The following ABCD4 variants were observed in gnomAD, a reference collection of about 807,000 sequenced individuals.
ABCD4 encodes lysosomal cobalamin transporter ABCD4.
In ABCD4, 53 loss-of-function variants were observed where a neutral mutation model predicts 86.3. That is an observed-to-expected ratio of 0.61 (90% CI 0.49 to 0.77). ABCD4 has a LOEUF of 0.77. Ranked by LOEUF, ABCD4 falls within the 30% of genes least tolerant of loss-of-function variation. ABCD4 has a pLI of 0.00. For missense variants in ABCD4, 757 were observed against 764.5 expected (o/e 0.99, Z 0.12); for synonymous variants, 328 against 313.6 (o/e 1.05, Z -0.49).
intron 7 of ABCD4, chr14:74,294,938 A>G (rs2082462548): frequency 3.3e-6 from 2 of 598,036 alleles, no homozygotes; most frequent in South Asian, 2.1e-5. Context: ...AAAGCTGGCC[A>G]CAGTAAGGAA....
chr14:74,289,778 A>G (rs866438516), intron 13 of ABCD4: 12 of 1,435,884 alleles, frequency 8.4e-6, no homozygotes, highest in African/African-American at 4.3e-5. Flanking sequence ...GGTGTTTGAC[A>G]TACGCGTGTG....
chr14:74,293,015 A>G (rs987293421), intron 8 of ABCD4, 139 bp downstream of exon 8: 2 of 1,462,220 alleles, frequency 1.4e-6, no homozygotes, highest in Non-Finnish European at 1.9e-6. Context: ...CAGAAAGGCA[A>G]CAGCCCCCCC....
rs1489441496 is a variant in ABCD4 at position 74,299,589 on chromosome 14, G to C, written c.244C>G (p.Leu82Val). The change falls in exon 3 of 19, where the codon CTG becomes GTG. Residue 82 changes from leucine (L) to valine (V), a missense_variant. Physicochemically the swap from Leu to Val is conservative, Grantham distance 32. Transcript: ENST00000356924. ...GNKDLEGFKT[L>V]TFLAVMLIVL... ...ATGAGCATGACAGCCAGGAATGTCA[G>C]AGTCTTAAACCCTTCCAAGTCTTTG... 1.9e-6 allele frequency: 3 copies of C among 1,613,960 alleles called. No homozygotes were observed. Among genetic ancestry groups the C allele is most frequent in the South Asian group, 1.1e-5 (1 of 91,076 alleles).
Position 74,296,421 on chromosome 14 carries a change from G to A in ABCD4, c.454C>T (p.Arg152Ter), listed in dbSNP as rs1282760239. ...PDQRISQDVE[R>*]FCRQLSSMAS... The stretch of plus-strand genomic sequence containing the variant: ...ATGCTGCTGAGCTGCCGGCAGAATC[G>A]CTCCACGTCCTGGCTGATGCGCTGG... The change falls in exon 5 of 19, where the codon CGA (arginine) becomes TGA (stop). Residue 152 changes from arginine to a stop codon, truncating the protein, a stop_gained. Coordinates refer to ENST00000356924, the MANE Select transcript of ABCD4 (RefSeq NM_005050.4). LOFTEE classifies it high-confidence loss of function. The A allele has an allele frequency of 4.3e-6, 7 of 1,614,076 alleles. No homozygotes were observed. Among genetic ancestry groups the A allele is most frequent in the Non-Finnish European group, 5.9e-6 (7 of 1,180,024 alleles).
At position 74,302,928 on chromosome 14, in the gene ABCD4, G is replaced by A. The variant is rs773296231; in HGVS notation, c.-16C>T. The A allele has an allele frequency of 8.7e-6, 14 of 1,606,644 alleles. No homozygotes were observed. The highest frequency in any genetic ancestry group is 3.4e-5 in the Admixed American group (2 of 59,070). The stretch of plus-strand genomic sequence containing the variant: ...CGACCGCCATGACCTGAGACCCGAG[G>A]GACTCTGGAGCCCAGCTGCCCCTAG... On this transcript the variant is annotated 5_prime_UTR_variant, in exon 1 of 19. Coordinates refer to ENST00000356924, the MANE Select transcript of ABCD4 (RefSeq NM_005050.4).
intron 5 of ABCD4, 94 bp from the exon 6 acceptor site, chr14:74,296,073 C>G (rs2082771524): frequency 6.7e-7 from 1 of 1,491,988 alleles, no homozygotes; most frequent in Non-Finnish European, 9.0e-7. Flanking sequence ...TCTCAGGTAG[C>G]CCCTGTCCAA....
At chr14:74,291,175 G>A (rs893991613) in intron 11 of ABCD4, among the ~76,000 whole-genome samples, 1 of 152,200 alleles carries the variant, frequency 6.6e-6, no homozygotes, top group African/African-American at 2.4e-5. Flanking sequence ...CAACTTGATC[G>A]TGGACCATAA....
intron 17 of ABCD4, among the ~76,000 whole-genome samples, chr14:74,287,225 G>A (rs1467785245): frequency 6.6e-6 from 1 of 152,134 alleles, no homozygotes; most frequent in Non-Finnish European, 1.5e-5. Flanking sequence ...ACCCTTCAAT[G>A]TTGGCTCCTG....
At chr14:74,300,554 TGCAACAAGAGCCTGG>T (rs1358297162) in intron 1 of ABCD4, among the ~76,000 whole-genome samples, 1 of 139,722 alleles carries the variant, frequency 7.2e-6, no homozygotes, top group Non-Finnish European at 1.5e-5. Context: ...ATTGCGCCAT[TGCAACAAGAGCCTGG>T]GCAACAAGAG....
chr14:74,294,031 C>T (rs74063823), intron 7 of ABCD4: 9,835 of 151,960 alleles, frequency 0.065, 1,078 homozygotes, highest in African/African-American at 0.23. Context: ...TGAGCAGAGG[C>T]TGCAGAATCC....
intron 11 of ABCD4, among the ~76,000 whole-genome samples, chr14:74,291,295 A>G (rs929190427): frequency 4.6e-5 from 7 of 152,006 alleles, no homozygotes; most frequent in Admixed American, 4.6e-4. Context: ...TGGAACTTCT[A>G]CTCTCTGCCT....
chr14:74,299,331 G>C (rs2083692570), intron 3 of ABCD4: 1 of 517,674 alleles, frequency 1.9e-6, no homozygotes, highest in Admixed American at 3.3e-5. Flanking sequence ...CTGTGGCCTG[G>C]GCCCAGGAGT....
chr14:74,298,060 A>G lies in ABCD4; in HGVS notation c.295T>C (p.Phe99Leu), dbSNP rs781196316. The stretch of plus-strand genomic sequence containing the variant: ...AGCAGGTTGCAGGTGAACTGATCAA[A>G]GCTCTTCAGCTGTGCAGTGGGGGAA... ...LIVLNSTLKS[F>L]DQFTCNLLYV... is the part of the protein sequence containing the mutation. The change falls in exon 4 of 19, where the codon TTT (phenylalanine) becomes CTT (leucine). Residue 99 changes from phenylalanine to leucine, a missense_variant. Coordinates refer to ENST00000356924, the MANE Select transcript of ABCD4 (RefSeq NM_005050.4). 6.2e-7 allele frequency: 1 copy of G among 1,613,562 alleles called. No individual in the cohort carries two copies. The highest frequency in any genetic ancestry group is 8.5e-7 in the Non-Finnish European group (1 of 1,179,890).
chr14:74,287,232 C>T (rs991155823), intron 17 of ABCD4, among the ~76,000 whole-genome samples: 2 of 152,096 alleles, frequency 1.3e-5, no homozygotes, highest in Non-Finnish European at 2.9e-5. Context: ...AATGTTGGCT[C>T]CTGGCTCCAG....
At position 74,287,839 on chromosome 14, in the gene ABCD4, C is replaced by T. The variant is rs745326222; in HGVS notation, c.1607G>A (p.Arg536Gln). ...GTACTTCGGCTGCAGGTAGAAGAGT[C>T]GGGCAAAGGAGAGCCGTTGCATCTC... is the stretch of plus-strand genomic sequence containing the variant. ...PGEMQRLSFARLFYLQPKYAV... is the reference protein window; with the variant it reads ...PGEMQRLSFAQLFYLQPKYAV... Residue 536 changes from arginine to glutamine, a missense_variant, in exon 17 of 19, where the codon CGA becomes CAA. By Grantham distance (43) the Arg-to-Gln change is conservative (BLOSUM62 1). Transcript: ENST00000356924. 6 of 1,612,886 alleles carry T rather than the reference C, an allele frequency of 3.7e-6. No individual in the cohort carries two copies. The highest frequency in any genetic ancestry group is 1.6e-4 in the Middle Eastern group (1 of 6,084).
intron 7 of ABCD4, 37 bp downstream of exon 7, chr14:74,295,111 T>C: frequency 6.2e-7 from 1 of 1,612,394 alleles, no homozygotes; most frequent in African/African-American, 1.3e-5. Context: ...CTCTCAGCTC[T>C]GGCAAGGCAG....
rs150360733 is a variant in ABCD4 at position 74,288,298 on chromosome 14, C to T, written c.1507-39G>A. On this transcript the variant is annotated intron_variant, in intron 15 of 18. Transcript: ENST00000356924. ...AGAGGGCAGGATGTCCATGAAATGG[C>T]CAGCCCTGCTACCTGCCATCATGGG... 5.1e-6 allele frequency: 8 copies of T among 1,583,746 alleles called. No homozygotes were observed. In the East Asian group the frequency reaches 1.6e-4, roughly 31 times the overall value.
intron 13 of ABCD4, 180 bp downstream of exon 13, chr14:74,289,847 G>A: frequency 6.9e-7 from 1 of 1,450,718 alleles, no homozygotes; most frequent in Non-Finnish European, 9.0e-7. Context: ...TGAGTAGTGG[G>A]CCCAATCCAT....
At position 74,287,873 on chromosome 14, in the gene ABCD4, AC is replaced by A. The variant is rs1417960618; in HGVS notation, c.1572del (p.Ser525ProfsTer30). ...GAGAGCCGTTGCATCTCCCCCGGGG[AC>A]AGAACATCATACCTGAGGAAAGGTA... is the stretch of plus-strand genomic sequence containing the variant. ...QQVDWNWYDV[L>X]SPGEMQRLSF... On this transcript the variant is annotated frameshift_variant, in exon 17 of 19. Transcript: ENST00000356924. LOFTEE classifies it high-confidence loss of function. 5 of 1,613,022 alleles carry A rather than the reference AC, an allele frequency of 3.1e-6. No homozygotes were observed. The highest frequency in any genetic ancestry group is 4.2e-6 in the Non-Finnish European group (5 of 1,179,550).
Sources: allele counts gnomAD v4.1 joint callset (sites outside exome capture counted in the v4.1 genomes callset), GRCh38; gene constraint gnomAD v4.1.1; transcripts MANE v1.5; gene names NCBI Gene and HGNC (gene_info 2026-07-23, HGNC 2026-07-21).